Variants in SH2D4A observed in about 807,000 individuals in gnomAD.
SH2D4A encodes SH2 domain-containing protein 4A.
SH2D4A carries 70 observed loss-of-function variants against 64.7 expected under a neutral mutation model. The observed-to-expected ratio is 1.08, with a 90% CI of 0.89 to 1.32. The LOEUF is 1.32. Among genes scored for constraint, SH2D4A ranks in the 40% most tolerant of loss-of-function variants. The probability of loss-of-function intolerance (pLI) is 0.00; values close to 1 mark genes in which losing one functional copy is unlikely to be tolerated. For missense variants in SH2D4A, 706 were observed against 540.1 expected (o/e 1.31, Z -3.04); for synonymous variants, 268 against 200.7 (o/e 1.34, Z -2.83).
At chr8:19,387,689 G>T (rs1164943231) in intron 8 of SH2D4A, among the ~76,000 whole-genome samples, 1 of 152,238 alleles carries the variant, frequency 6.6e-6, no homozygotes, top group Non-Finnish European at 1.5e-5. Flanking sequence ...TGGGGCCACA[G>T]TGCCTGGCTT....
At chr8:19,316,416 G>A (rs1254881231) in intron 1 of SH2D4A, among the ~76,000 whole-genome samples, 1 of 152,208 alleles carries the variant, frequency 6.6e-6, no homozygotes, top group South Asian at 2.1e-4. Flanking sequence ...CTTAGTGTTT[G>A]TTTGGAAGGG....
chr8:19,359,182 G>A (rs932598770), intron 5 of SH2D4A, among the ~76,000 whole-genome samples: 3 of 152,038 alleles, frequency 2.0e-5, no homozygotes, highest in African/African-American at 7.2e-5. Flanking sequence ...GCCGTATATA[G>A]ATGGGTAATA....
intron 1 of SH2D4A, among the ~76,000 whole-genome samples, chr8:19,317,474 A>G (rs1311636015): frequency 6.9e-6 from 1 of 145,096 alleles, no homozygotes; most frequent in Non-Finnish European, 1.5e-5. Flanking sequence ...TGCTGCCGAG[A>G]TGATAGGTTG....
At chr8:19,385,213 G>GT (rs372352861) in intron 8 of SH2D4A, among the ~76,000 whole-genome samples, 3,983 of 140,448 alleles carry the variant, frequency 0.028, 105 homozygotes, top group African/African-American at 0.07. Context: ...CTGTTTTTTT[G>GT]TTTTTTTTTT....
intron 9 of SH2D4A, 93 bp from the exon 10 acceptor site, chr8:19,394,457 C>A: frequency 1.3e-6 from 1 of 799,270 alleles, no homozygotes; most frequent in Non-Finnish European, 1.9e-6. Context: ...TTGTGTAAAT[C>A]ATGGGTAGGC....
chr8:19,383,153 C>CG (rs2053326515), intron 8 of SH2D4A, among the ~76,000 whole-genome samples: 1 of 143,974 alleles, frequency 6.9e-6, no homozygotes, highest in Non-Finnish European at 1.5e-5. Context: ...TCTCTCTGCC[C>CG]CCTTCTCCTT....
rs2053459660 is a variant in SH2D4A, at chr8:19,389,897, C to G, written c.1049-3421C>G. On this transcript the variant is annotated intron_variant, in intron 8 of 9. Transcript: ENST00000265807. ...TTAAAAAAACAAATAAAAATTACTG[C>G]TTTTCTCTAGCACAGAAATCCTCCT... Among the ~76,000 whole-genome samples the G allele has an allele frequency of 2.6e-5, 4 of 152,130 alleles. 1 individual carries two copies. Among genetic ancestry groups the G allele is most frequent in the Admixed American group, 2.6e-4 (4 of 15,260 alleles).
intron 4 of SH2D4A, 94 bp from the exon 5 acceptor site, chr8:19,357,109 C>A (rs2052803719): frequency 2.1e-6 from 2 of 968,348 alleles, no homozygotes; most frequent in Non-Finnish European, 3.2e-6. Context: ...GGGGCGGGGG[C>A]AGCATTAGGG....
chr8:19,372,392 C>G (rs551200311), intron 7 of SH2D4A, among the ~76,000 whole-genome samples: 1 of 152,104 alleles, frequency 6.6e-6, no homozygotes, highest in Non-Finnish European at 1.5e-5. Context: ...GTCAGGGACT[C>G]CAGTACAGAA....
intron 8 of SH2D4A, among the ~76,000 whole-genome samples, chr8:19,374,606 A>G (rs920284475): frequency 6.6e-6 from 1 of 152,234 alleles, no homozygotes; most frequent in African/African-American, 2.4e-5. Context: ...TATTTGTGAC[A>G]GGCTTTCTCC....
At chr8:19,361,165 GTTTTGTTTTTGTTTTT>G in intron 5 of SH2D4A, 22 bp from the exon 6 acceptor site, 2 of 1,315,418 alleles carry the variant, frequency 1.5e-6, no homozygotes, top group South Asian at 1.4e-5. Flanking sequence ...TTTTTGTTTT[GTTTTGTTTTTGTTTTT>G]TTTTGTTTTG....
chr8:19,379,769 C>G (rs2053260661), intron 8 of SH2D4A, among the ~76,000 whole-genome samples: 2 of 152,156 alleles, frequency 1.3e-5, no homozygotes, highest in African/African-American at 4.8e-5. Flanking sequence ...CAGGGTCTTG[C>G]TCTGTTGCCT....
chr8:19,335,822 C>A (rs1271411467), intron 4 of SH2D4A, among the ~76,000 whole-genome samples: 1 of 152,208 alleles, frequency 6.6e-6, no homozygotes, highest in Non-Finnish European at 1.5e-5. Flanking sequence ...GTTTAAAAAA[C>A]TCAAACATAA....
intron 2 of SH2D4A, among the ~76,000 whole-genome samples, chr8:19,323,082 T>A (rs1172411826): frequency 6.6e-6 from 1 of 152,042 alleles, no homozygotes; most frequent in Non-Finnish European, 1.5e-5. Context: ...ATTTCTGTAG[T>A]GGGAGAATGT....
At chr8:19,360,612 T>C (rs2052867277) in intron 5 of SH2D4A, among the ~76,000 whole-genome samples, 1 of 152,170 alleles carries the variant, frequency 6.6e-6, no homozygotes, top group South Asian at 2.1e-4. Context: ...AGGCTCCATC[T>C]TAAAAAAATA....
At chr8:19,360,688 T>C (rs1289996712) in intron 5 of SH2D4A, 1 of 152,188 alleles carries the variant, frequency 6.6e-6, no homozygotes, top group Non-Finnish European at 1.5e-5. Context: ...TTGGGACACA[T>C]GACTCGGGGG....
At position 19,394,670 on chromosome 8, in the gene SH2D4A, C is replaced by G. The variant is rs767808179; in HGVS notation, c.*28C>G. The G allele has an allele frequency of 1.5e-5, 24 of 1,559,882 alleles. No homozygotes were observed. In the South Asian group the frequency reaches 2.6e-4, roughly 17 times the overall value. On this transcript the variant is annotated 3_prime_UTR_variant, in exon 10 of 10. Transcript: ENST00000265807. ...GCCTCCATCAGGGTCATCCTACAGC[C>G]TCCAAGCGGGCTTTCCCCTGGACAA...
At chr8:19,325,642 C>G (rs2052266435) in intron 2 of SH2D4A, among the ~76,000 whole-genome samples, 1 of 152,202 alleles carries the variant, frequency 6.6e-6, no homozygotes, top group Non-Finnish European at 1.5e-5. Context: ...CTTCCATCTG[C>G]TTTTCCAGCG....
intron 8 of SH2D4A, among the ~76,000 whole-genome samples, chr8:19,380,363 G>C (rs1281948408): frequency 1.3e-5 from 2 of 151,998 alleles, no homozygotes; most frequent in African/African-American, 4.8e-5. Context: ...TGTATAAAAT[G>C]CTTTAATTTT....
Sources: gnomAD v4.1 joint callset for allele counts (sites outside exome capture counted in the v4.1 genomes callset) on GRCh38, gnomAD v4.1.1 for gene constraint, MANE v1.5 for transcripts, NCBI Gene and HGNC (gene_info 2026-07-23, HGNC 2026-07-21) for gene names.